The following FOLR3 variants were observed in gnomAD, a reference collection of about 807,000 sequenced individuals.
FOLR3 encodes the protein folate receptor 3 (gamma).
In FOLR3, 9 loss-of-function variants were observed where a neutral mutation model predicts 20.0. That is an observed-to-expected ratio of 0.45 (90% CI 0.27 to 0.79). FOLR3 has a LOEUF of 0.79. FOLR3 is among the 30% of genes least tolerant of loss of function. FOLR3 has a pLI of 0.15. For synonymous variants in FOLR3, 124 were observed against 115.5 expected (o/e 1.07, Z -0.47); for missense variants, 309 against 323.5 (o/e 0.96, Z 0.34).
At position 72,138,953 on chromosome 11, in the gene FOLR3, C is replaced by A; in HGVS notation, c.169-8C>A. On this transcript the variant is annotated splice_region_variant and splice_polypyrimidine_tract_variant and intron_variant, in intron 2 of 4. Transcript: ENST00000611028. ...GGAGAGACTTAGTCCTGTGTCTTCC[C>A]CACCCAGTGCAGTCCCTGGAAGAAG... 2 of 1,613,818 alleles carry A rather than the reference C, an allele frequency of 1.2e-6. No individual in the cohort carries two copies. The highest frequency in any genetic ancestry group is 1.3e-5 in the African/African-American group (1 of 75,012).
chr11:72,138,381 T>G (rs909495269), intron 2 of FOLR3, among the ~76,000 whole-genome samples: 3 of 151,934 alleles, frequency 2.0e-5, no homozygotes, highest in African/African-American at 7.3e-5. Flanking sequence ...AAAAGTTAGT[T>G]TAATAACATG....
chr11:72,136,204 C>A (rs1947740599), intron 2 of FOLR3, 84 bp downstream of exon 2: 9 of 1,507,660 alleles, frequency 6.0e-6, no homozygotes, highest in Non-Finnish European at 8.2e-6. Flanking sequence ...GTGGTCAGAA[C>A]CAAGGGTGCC....
Position 72,136,117 on chromosome 11 carries a change from C to A in FOLR3, c.165C>A (p.Gly55=). Residue 55 remains glycine (G), a synonymous_variant, in exon 2 of 5, where the codon GGC becomes GGA. Coordinates refer to ENST00000611028, the MANE Select transcript of FOLR3 (RefSeq NM_000804.4). ...TQPSPEDELY[G]QCSPWKKNAC... is the part of the protein sequence containing the mutation. ...CCAGCCCCGAGGACGAGCTGTATGG[C>A]CAGGTGAGGGCAGCCTGGTGTAGGA... 1 of 1,613,996 alleles carries A rather than the reference C, an allele frequency of 6.2e-7. No individual in the cohort carries two copies. Among genetic ancestry groups the A allele is most frequent in the South Asian group, 1.1e-5 (1 of 91,082 alleles).
In FOLR3 at chr11:72,139,818, T is replaced by C. The variant is rs768376503; in HGVS notation, c.725T>C (p.Ile242Thr). 1 of 1,613,898 alleles carries C rather than the reference T, an allele frequency of 6.2e-7. No homozygotes were observed. The highest frequency in any genetic ancestry group is 8.5e-7 in the Non-Finnish European group (1 of 1,179,828). Residue 242 changes from isoleucine (I) to threonine (T), a missense_variant, in exon 5 of 5, where the codon ATT becomes ACT. Physicochemically the swap from Ile to Thr is moderately conservative, Grantham distance 89. Coordinates refer to ENST00000611028, the MANE Select transcript of FOLR3 (RefSeq NM_000804.4). ...AATGCTGGGGCCCCGTCTCGTGGGA[T>C]TATTGATTCCTGATCCAAGAAGGGT... ...AMNAGAPSRG[I>T]IDS
intron 3 of FOLR3, 47 bp downstream of exon 3, chr11:72,139,196 C>T: frequency 1.3e-6 from 2 of 1,579,496 alleles, no homozygotes; most frequent in Non-Finnish European, 1.7e-6. Flanking sequence ...GAGGGCGGAG[C>T]CTGCCAGTTG....
Position 72,139,476 on chromosome 11 carries a change from A to T in FOLR3, c.487A>T (p.Thr163Ser). The T allele has an allele frequency of 2.5e-6, 4 of 1,613,734 alleles. No homozygotes were observed. Among genetic ancestry groups the T allele is most frequent in the Non-Finnish European group, 3.4e-6 (4 of 1,179,800 alleles). Residue 163 changes from threonine to serine, a missense_variant, in exon 4 of 5, where the codon ACC (threonine) becomes TCC (serine). Transcript: ENST00000611028. ...CAACTGGCACAAAGGCTGGAATTGG[A>T]CCTCAGGTGAGGACCTGAGGAGATA... Reference protein sequence around the residue: ...KSNWHKGWNWTSGINECPAGA... With the variant: ...KSNWHKGWNWSSGINECPAGA...
Position 72,139,478 on chromosome 11 carries a change from C to G in FOLR3, c.489C>G (p.Thr163=), listed in dbSNP as rs1236431090. 1 of 1,613,878 alleles carries G rather than the reference C, an allele frequency of 6.2e-7. No individual in the cohort carries two copies. The highest frequency in any genetic ancestry group is 1.1e-5 in the South Asian group (1 of 91,058). ...ACTGGCACAAAGGCTGGAATTGGAC[C>G]TCAGGTGAGGACCTGAGGAGATAAG... ...KSNWHKGWNW[T]SGINECPAGA... is the part of the protein sequence containing the mutation. The change falls in exon 4 of 5, where the codon ACC becomes ACG. Residue 163 remains threonine (T), a synonymous_variant. Transcript: ENST00000611028.
At position 72,139,798 on chromosome 11, in the gene FOLR3, T is replaced by C. The variant is rs1176276924; in HGVS notation, c.705T>C (p.Ala235=). Residue 235 remains alanine, a synonymous_variant, in exon 5 of 5, where the codon GCT becomes GCC. Coordinates refer to ENST00000611028, the MANE Select transcript of FOLR3 (RefSeq NM_000804.4). ...VAKFYAAAMN[A]GAPSRGIIDS Reference sequence around the variant, plus strand: ...AGTTCTATGCTGCGGCCATGAATGCTGGGGCCCCGTCTCGTGGGATTATTG... The same window carrying C: ...AGTTCTATGCTGCGGCCATGAATGCCGGGGCCCCGTCTCGTGGGATTATTG... 4.0e-5 allele frequency: 64 copies of C among 1,613,896 alleles called. No individual in the cohort carries two copies. The highest frequency in any genetic ancestry group is 5.2e-5 in the Non-Finnish European group (61 of 1,179,872).
Position 72,138,945 on chromosome 11 carries a change from T to C in FOLR3, c.169-16T>C, listed in dbSNP as rs1195374764. On this transcript the variant is annotated splice_polypyrimidine_tract_variant and intron_variant, in intron 2 of 4. Coordinates refer to ENST00000611028, the MANE Select transcript of FOLR3 (RefSeq NM_000804.4). ...TGTGGTGGGGAGAGACTTAGTCCTG[T>C]GTCTTCCCCACCCAGTGCAGTCCCT... 35 of 1,613,490 alleles carry C rather than the reference T, an allele frequency of 2.2e-5. No individual in the cohort carries two copies. The highest frequency in any genetic ancestry group is 2.9e-5 in the Non-Finnish European group (34 of 1,179,750).
Position 72,139,146 on chromosome 11 carries a change from G to C in FOLR3, c.354G>C (p.Arg118=), listed in dbSNP as rs1257995662. 6.2e-7 allele frequency: 1 copy of C among 1,612,394 alleles called. No homozygotes were observed. The highest frequency in any genetic ancestry group is 1.7e-5 in the Admixed American group (1 of 59,980). Reference sequence around the variant, plus strand: ...CACCCAACCTGGGGCCCTGGATCCGGCAGGTATGAGTGCTGTTCCCACAAA... The same window carrying C: ...CACCCAACCTGGGGCCCTGGATCCGCCAGGTATGAGTGCTGTTCCCACAAA... The part of the protein sequence containing the change: ...ECSPNLGPWI[R]QVNQSWRKER... The change falls in exon 3 of 5, where the codon CGG becomes CGC. Residue 118 remains arginine, a synonymous_variant. Transcript: ENST00000611028.
chr11:72,136,329 G>GT (rs1947742099), intron 2 of FOLR3, among the ~76,000 whole-genome samples: 1 of 152,066 alleles, frequency 6.6e-6, no homozygotes, highest in African/African-American at 2.4e-5. Flanking sequence ...GAGTGTGCTT[G>GT]TATTTCATTC....
chr11:72,139,228 A>T, intron 3 of FOLR3, 79 bp downstream of exon 3: 4 of 1,562,058 alleles, frequency 2.6e-6, no homozygotes, highest in Non-Finnish European at 3.5e-6. Flanking sequence ...GGCTTGGTCC[A>T]GGAATTCGGG....
chr11:72,139,188 G>C (rs1401906880), intron 3 of FOLR3, 39 bp downstream of exon 3: 2 of 1,586,606 alleles, frequency 1.3e-6, no homozygotes, highest in Non-Finnish European at 1.7e-6. Flanking sequence ...CCTCAGCAGA[G>C]GGCGGAGCCT....
chr11:72,137,436 C>T (rs1947755514), intron 2 of FOLR3, among the ~76,000 whole-genome samples: 1 of 151,976 alleles, frequency 6.6e-6, no homozygotes, highest in Non-Finnish European at 1.5e-5. Context: ...CCTTGACCTC[C>T]ACCCTCCCCC....
chr11:72,135,998 G>GTGGCTGCTGCTTCTGGCTTTGA lies in FOLR3; in HGVS notation c.48_49insGCTGCTGCTTCTGGCTTTGATG (p.Thr17AlafsTer76), dbSNP rs1223543975. On this transcript the variant is annotated frameshift_variant, in exon 2 of 5. Transcript: ENST00000611028. LOFTEE classifies it high-confidence loss of function. Reference sequence around the variant, plus strand: ...GATGCAGCTGCTGCTTCTGGCTTTGGTGACTGCTGCGGGGAGTGCCCAGCC... The same window carrying GTGGCTGCTGCTTCTGGCTTTGA: ...GATGCAGCTGCTGCTTCTGGCTTTGGTGGCTGCTGCTTCTGGCTTTGATGACTGCTGCGGGGAGTGCCCAGCC... 6.2e-7 allele frequency: 1 copy of GTGGCTGCTGCTTCTGGCTTTGA among 1,613,860 alleles called. No homozygotes were observed. Among genetic ancestry groups the GTGGCTGCTGCTTCTGGCTTTGA allele is most frequent in the Non-Finnish European group, 8.5e-7 (1 of 1,179,870 alleles).
chr11:72,139,615 C>G lies in FOLR3; in HGVS notation c.522C>G (p.Leu174=). Residue 174 remains leucine, a synonymous_variant, in exon 5 of 5, where the codon CTC becomes CTG. Coordinates refer to ENST00000611028, the MANE Select transcript of FOLR3 (RefSeq NM_000804.4). ...TTAATGAGTGTCCGGCCGGGGCCCTCTGCAGCACCTTTGAGTCCTACTTCC... is the reference window on the plus strand; with the variant it reads ...TTAATGAGTGTCCGGCCGGGGCCCTGTGCAGCACCTTTGAGTCCTACTTCC... ...SGINECPAGA[L]CSTFESYFPT... The G allele has an allele frequency of 6.2e-7, 1 of 1,613,732 alleles. No individual in the cohort carries two copies. Among genetic ancestry groups the G allele is most frequent in the East Asian group, 2.2e-5 (1 of 44,862 alleles).
rs1291031545 is a variant in FOLR3, at chr11:72,139,594, T to C, written c.501T>C (p.Asn167=). 6.2e-7 allele frequency: 1 copy of C among 1,613,832 alleles called. No individual in the cohort carries two copies. Among genetic ancestry groups the C allele is most frequent in the Non-Finnish European group, 8.5e-7 (1 of 1,179,896 alleles). The change falls in exon 5 of 5, where the codon AAT becomes AAC. Residue 167 remains asparagine (N), a synonymous_variant. Transcript: ENST00000611028. Reference sequence around the variant, plus strand: ...TACGTTCTCCTCCCTCAGGGATTAATGAGTGTCCGGCCGGGGCCCTCTGCA... The same window carrying C: ...TACGTTCTCCTCCCTCAGGGATTAACGAGTGTCCGGCCGGGGCCCTCTGCA... ...HKGWNWTSGI[N]ECPAGALCST... is the part of the protein sequence containing the mutation.
chr11:72,138,818 T>A, intron 2 of FOLR3, 143 bp from the exon 3 acceptor site: 1 of 868,632 alleles, frequency 1.2e-6, no homozygotes, highest in Non-Finnish European at 1.8e-6. Flanking sequence ...ATATTGTAAT[T>A]GCCTCCGTCC....
Position 72,139,775 on chromosome 11 carries a change from T to C in FOLR3, c.682T>C (p.Phe228Leu), listed in dbSNP as rs376715080. ...QGNPNEEVAK[F>L]YAAAMNAGAP... ...CAACCCCAATGAGGAGGTGGCCAAG[T>C]TCTATGCTGCGGCCATGAATGCTGG... is the stretch of plus-strand genomic sequence containing the variant. Residue 228 changes from phenylalanine (F) to leucine (L), a missense_variant, in exon 5 of 5, where the codon TTC becomes CTC. Physicochemically the swap from Phe to Leu is conservative, Grantham distance 22. Coordinates refer to ENST00000611028, the MANE Select transcript of FOLR3 (RefSeq NM_000804.4). 37 of 1,614,078 alleles carry C rather than the reference T, an allele frequency of 2.3e-5. No individual in the cohort carries two copies. In the African/African-American group the frequency reaches 3.5e-4, roughly 15 times the overall value.
Sources: gnomAD v4.1 joint callset for allele counts (sites outside exome capture counted in the v4.1 genomes callset) on GRCh38, gnomAD v4.1.1 for gene constraint, MANE v1.5 for transcripts, NCBI Gene and HGNC (gene_info 2026-07-23, HGNC 2026-07-21) for gene names.